The following DCAF1 variants were observed in gnomAD, a reference collection of about 807,000 sequenced individuals.
DCAF1 encodes the protein DDB1- and CUL4-associated factor 1.
In DCAF1, 15 loss-of-function variants were observed where a neutral mutation model predicts 128.0. That is an observed-to-expected ratio of 0.12 (90% CI 0.08 to 0.18). The LOEUF (loss-of-function observed/expected upper bound fraction) is 0.18, where lower values mean the gene tolerates loss of function less well. Ranked by LOEUF, DCAF1 falls within the 10% of genes least tolerant of loss-of-function variation. DCAF1 has a pLI of 1.00. For synonymous variants in DCAF1, 610 were observed against 603.0 expected, an observed-to-expected ratio of 1.01 and a Z score of -0.17; for missense variants, 988 against 1,649.5, an observed-to-expected ratio of 0.60 and a Z score of 6.95.
At position 51,484,468 on chromosome 3, in the gene DCAF1, G is replaced by A. The variant is rs184398529; in HGVS notation, c.-8-632C>T. On this transcript the variant is annotated intron_variant, in intron 2 of 24. Transcript: ENST00000684031. ...AGCTTGGGCGACAGAGCAAGACTCC[G>A]TCTCAAAAAGAAAAAAAAATAGATT... is the stretch of plus-strand genomic sequence containing the variant. Among the ~76,000 whole-genome samples the A allele has an allele frequency of 2.5e-3, 382 of 151,552 alleles. 1 individual carries two copies. Among genetic ancestry groups the A allele is most frequent in the African/African-American group, 8.8e-3 (365 of 41,338 alleles).
chr3:51,416,175 A>T (rs1240232564), intron 18 of DCAF1, among the ~76,000 whole-genome samples: 2 of 152,062 alleles, frequency 1.3e-5, no homozygotes, highest in African/African-American at 4.8e-5. Flanking sequence ...CTCAAAAAAA[A>T]AGCTAAAGGC....
intron 12 of DCAF1, among the ~76,000 whole-genome samples, chr3:51,428,885 A>G (rs995215837): frequency 1.3e-5 from 2 of 151,972 alleles, no homozygotes; most frequent in Admixed American, 6.6e-5. Flanking sequence ...TAGTCCCCCA[A>G]CTACTCAGGA....
chr3:51,471,101 A>T (rs1389469615), intron 3 of DCAF1, 96 bp from the exon 4 acceptor site: 2 of 711,604 alleles, frequency 2.8e-6, no homozygotes, highest in Non-Finnish European at 4.6e-6. Context: ...AGAAAATAAA[A>T]GCAAAGTTAG....
intron 6 of DCAF1, among the ~76,000 whole-genome samples, chr3:51,448,863 G>A (rs1553640861): frequency 6.6e-6 from 1 of 151,732 alleles, no homozygotes; most frequent in African/African-American, 2.4e-5. Flanking sequence ...CCCAACAACA[G>A]TAGATTACAC....
chr3:51,443,321 T>C (rs1701540660), intron 7 of DCAF1, among the ~76,000 whole-genome samples: 1 of 152,170 alleles, frequency 6.6e-6, no homozygotes. Context: ...CCAGACACGG[T>C]GGCTCACGCT....
At chr3:51,454,197 C>T (rs1043712290) in intron 6 of DCAF1, among the ~76,000 whole-genome samples, 3 of 152,038 alleles carry the variant, frequency 2.0e-5, no homozygotes, top group Non-Finnish European at 2.9e-5. Context: ...CATGAGCTAC[C>T]GTGCCCAGCT....
chr3:51,398,247 T>TC lies in DCAF1; in HGVS notation c.*521dup, dbSNP rs1553623736. ...TTATCAATTTAAGAAACCACGATTT[T>TC]CCTTTTCATTTAAATACGTATGTAA... On this transcript the variant is annotated 3_prime_UTR_variant, in exon 25 of 25. Transcript: ENST00000684031. The TC allele has an allele frequency of 6.6e-6, 1 of 152,148 alleles. No individual in the cohort carries two copies. Among genetic ancestry groups the TC allele is most frequent in the Non-Finnish European group, 1.5e-5 (1 of 68,040 alleles). The allele number at this position is 152,148 out of a possible 1,614,324, so 9.4% of individuals were successfully genotyped here.
chr3:51,429,212 T>C, intron 12 of DCAF1, 49 bp downstream of exon 12: 1 of 720,210 alleles, frequency 1.4e-6, no homozygotes, highest in Non-Finnish European at 2.6e-6. Context: ...ACTGAGATGC[T>C]ACAGAGAGGG....
At chr3:51,418,253 C>T (rs1699078398) in intron 16 of DCAF1, 55 bp from the exon 17 acceptor site, 5 of 1,538,062 alleles carry the variant, frequency 3.3e-6, no homozygotes, top group Middle Eastern at 1.7e-4. Context: ...ATGCAGATGT[C>T]ACTACCTGCC....
chr3:51,483,808 A>G lies in DCAF1; in HGVS notation c.21T>C (p.His7=). MTTVVV[H]VDSKAELTTL... Reference sequence around the variant, plus strand: ...TAGTGAGCTCAGCTTTGGAGTCCACATGTACCACTACTGTAGTCATGGCTT... The same window carrying G: ...TAGTGAGCTCAGCTTTGGAGTCCACGTGTACCACTACTGTAGTCATGGCTT... Residue 7 remains histidine, a synonymous_variant, in exon 3 of 25, where the codon CAT becomes CAC. Transcript: ENST00000684031. The G allele has an allele frequency of 1.2e-6, 2 of 1,613,860 alleles. No individual in the cohort carries two copies. Among genetic ancestry groups the G allele is most frequent in the South Asian group, 1.1e-5 (1 of 91,082 alleles).
chr3:51,504,059 A>G (rs1355282820), upstream of DCAF1, among the ~76,000 whole-genome samples: 4 of 138,652 alleles, frequency 2.9e-5, no homozygotes, highest in African/African-American at 1.1e-4. Context: ...TTTTTTTGAG[A>G]TGGAGTCTGG....
At chr3:51,473,578 G>C (rs527971395) in intron 3 of DCAF1, among the ~76,000 whole-genome samples, 147 of 148,426 alleles carry the variant, frequency 9.9e-4, no homozygotes, top group African/African-American at 3.5e-3. Flanking sequence ...GCAGCAACAC[G>C]ACTCATGGCT....
intron 6 of DCAF1, among the ~76,000 whole-genome samples, chr3:51,458,315 A>G (rs1307362060): frequency 1.3e-5 from 2 of 152,100 alleles, no homozygotes; most frequent in Non-Finnish European, 2.9e-5. Flanking sequence ...AAGAGACAAA[A>G]AAGGCCATTA....
rs1553623745 is a variant in DCAF1 at position 51,398,258 on chromosome 3, T to C, written c.*511A>G. 1 of 152,198 alleles carries C rather than the reference T, an allele frequency of 6.6e-6. No homozygotes were observed. Among genetic ancestry groups the C allele is most frequent in the Non-Finnish European group, 1.5e-5 (1 of 68,044 alleles). The allele number at this position is 152,198 out of a possible 1,614,324, so 9.4% of individuals were successfully genotyped here. On this transcript the variant is annotated 3_prime_UTR_variant, in exon 25 of 25. Transcript: ENST00000684031. Reference sequence around the variant, plus strand: ...AGAAACCACGATTTTCCTTTTCATTTAAATACGTATGTAAAAATGCCTCTA... The same window carrying C: ...AGAAACCACGATTTTCCTTTTCATTCAAATACGTATGTAAAAATGCCTCTA...
intron 3 of DCAF1, among the ~76,000 whole-genome samples, chr3:51,480,853 C>T (rs1553652557): frequency 6.6e-6 from 1 of 151,842 alleles, no homozygotes; most frequent in Admixed American, 6.6e-5. Flanking sequence ...GTTTTTTTTA[C>T]ACGTGTTTCC....
chr3:51,495,216 C>A (rs1217905561), intron 2 of DCAF1, among the ~76,000 whole-genome samples: 1 of 151,664 alleles, frequency 6.6e-6, no homozygotes, highest in Admixed American at 6.6e-5. Flanking sequence ...CCCAGCCACT[C>A]GGGAGGCTGA....
At chr3:51,429,509 A>C in intron 11 of DCAF1, 39 bp from the exon 12 acceptor site, 1 of 770,878 alleles carries the variant, frequency 1.3e-6, no homozygotes, top group Non-Finnish European at 2.4e-6. Context: ...AGAGGGGAAA[A>C]GGCAAGAAGA....
At chr3:51,458,111 A>T (rs1703125026) in intron 6 of DCAF1, among the ~76,000 whole-genome samples, 1 of 152,252 alleles carries the variant, frequency 6.6e-6, no homozygotes. Context: ...TAAAAGACAC[A>T]GACTGGCAAA....
At chr3:51,410,068 C>G (rs962428631) in intron 23 of DCAF1, among the ~76,000 whole-genome samples, 22 of 152,332 alleles carry the variant, frequency 1.4e-4, no homozygotes, top group African/African-American at 5.1e-4. Flanking sequence ...CCCTATAGAG[C>G]CCATATAGCT....
Sources: gnomAD v4.1 joint callset for allele counts (sites outside exome capture counted in the v4.1 genomes callset) on GRCh38, gnomAD v4.1.1 for gene constraint, MANE v1.5 for transcripts, NCBI Gene and HGNC (gene_info 2026-07-23, HGNC 2026-07-21) for gene names.